Variants in SHISA6 observed in about 807,000 individuals in gnomAD.
The protein encoded by SHISA6 is shisa family member 6.
Under a neutral mutation model 47.9 loss-of-function variants are expected in SHISA6, and 22 were observed. The ratio of observed to expected loss-of-function variants is 0.46; its 90% CI spans 0.33 to 0.66. SHISA6 has a LOEUF of 0.66. SHISA6 is among the 30% of genes least tolerant of loss of function. The pLI, the probability that SHISA6 is intolerant of heterozygous loss-of-function variation, is 0.02. For missense variants in SHISA6, 680 were observed against 764.6 expected (o/e 0.89, Z 1.30); for synonymous variants, 388 against 337.8 (o/e 1.15, Z -1.63).
chr17:11,328,140 A>AT (rs1910972187), intron 2 of SHISA6, among the ~76,000 whole-genome samples: 1 of 152,198 alleles, frequency 6.6e-6, no homozygotes, highest in Non-Finnish European at 1.5e-5. Context: ...TACAAAAACT[A>AT]TGTCAAGGCA....
chr17:11,526,188 C>G (rs2071680215), intron 3 of SHISA6, among the ~76,000 whole-genome samples: 1 of 150,914 alleles, frequency 6.6e-6, no homozygotes, highest in South Asian at 2.1e-4. Context: ...GCCTATATTC[C>G]TTTTCTAAAG....
intron 2 of SHISA6, among the ~76,000 whole-genome samples, chr17:11,319,718 A>G (rs768222626): frequency 2.6e-5 from 4 of 152,228 alleles, no homozygotes; most frequent in Non-Finnish European, 5.9e-5. Flanking sequence ...CTTTGAGGAT[A>G]TAAACACTGT....
chr17:11,432,991 C>A (rs1054278617), intron 3 of SHISA6, among the ~76,000 whole-genome samples: 3 of 152,146 alleles, frequency 2.0e-5, no homozygotes, highest in Non-Finnish European at 4.4e-5. Flanking sequence ...AACAGTTGCA[C>A]AACTCTGTGA....
At chr17:11,247,776 T>C (rs915571955) in intron 1 of SHISA6, among the ~76,000 whole-genome samples, 4 of 128,176 alleles carry the variant, frequency 3.1e-5, no homozygotes, top group African/African-American at 6.2e-5. Flanking sequence ...GGCGTCTTTC[T>C]TTTTTTTTTT....
intron 3 of SHISA6, among the ~76,000 whole-genome samples, chr17:11,537,507 TGAGATTA>T (rs1489771329): frequency 1.3e-5 from 2 of 152,052 alleles, no homozygotes; most frequent in Non-Finnish European, 2.9e-5. Flanking sequence ...GGGTTGGATT[TGAGATTA>T]GGAAGGAGGG....
At chr17:11,366,066 A>G (rs1280318465) in intron 2 of SHISA6, among the ~76,000 whole-genome samples, 1 of 152,264 alleles carries the variant, frequency 6.6e-6, no homozygotes, top group Non-Finnish European at 1.5e-5. Context: ...CTATGGCTAT[A>G]GGGAGCCAAG....
intron 3 of SHISA6, among the ~76,000 whole-genome samples, chr17:11,398,683 C>G (rs1913660421): frequency 6.6e-6 from 1 of 152,062 alleles, no homozygotes; most frequent in African/African-American, 2.4e-5. Context: ...ACCTCCGTCT[C>G]CCGGGTTCAA....
In SHISA6 at chr17:11,426,227, G is replaced by T. The variant is rs143479418; in HGVS notation, c.895+46718G>T. Among the ~76,000 whole-genome samples the T allele has an allele frequency of 5.8e-3, 884 of 152,312 alleles. 10 individuals carry two copies. The highest frequency in any genetic ancestry group is 0.02 in the African/African-American group (828 of 41,562). Reference sequence around the variant, plus strand: ...AGAAGGTGAAAGGGAAATCCTAAAAGTGCCAAGCATTCTAAGCATAGAAAG... The same window carrying T: ...AGAAGGTGAAAGGGAAATCCTAAAATTGCCAAGCATTCTAAGCATAGAAAG... On this transcript the variant is annotated intron_variant, in intron 3 of 5. Transcript: ENST00000441885.
rs542726828 is a variant in SHISA6 at position 11,325,612 on chromosome 17, T to C, written c.800-53802T>C. On this transcript the variant is annotated intron_variant, in intron 2 of 5. Transcript: ENST00000441885. ...TTAAAAAAAAGACAGCATCAGGAAG[T>C]GAAATGGCAAGAAATCTTCCCCATG... is the stretch of plus-strand genomic sequence containing the variant. Among the ~76,000 whole-genome samples the C allele has an allele frequency of 2.0e-5, 3 of 151,434 alleles. No individual in the cohort carries two copies. The South Asian group carries it at 6.2e-4, about 31-fold the overall frequency.
At chr17:11,470,208 T>A (rs938657791) in intron 3 of SHISA6, among the ~76,000 whole-genome samples, 1 of 152,210 alleles carries the variant, frequency 6.6e-6, no homozygotes, top group Non-Finnish European at 1.5e-5. Context: ...TAGAAGACTG[T>A]AGCCGACTAG....
chr17:11,551,774 T>G, intron 3 of SHISA6, 122 bp from the exon 4 acceptor site: 1 of 832,120 alleles, frequency 1.2e-6, no homozygotes, highest in Non-Finnish European at 1.9e-6. Context: ...CCTCTGCCTT[T>G]CTTAGAAGTG....
At chr17:11,486,314 C>T (rs2142334521) in intron 3 of SHISA6, among the ~76,000 whole-genome samples, 1 of 152,336 alleles carries the variant, frequency 6.6e-6, no homozygotes, top group South Asian at 2.1e-4. Context: ...ACTGTCACAA[C>T]ACTTAACACA....
intron 2 of SHISA6, among the ~76,000 whole-genome samples, chr17:11,287,451 C>T (rs977423476): frequency 2.0e-5 from 3 of 151,190 alleles, no homozygotes; most frequent in African/African-American, 7.3e-5. Flanking sequence ...TTTGGGAGTG[C>T]GAGGCAGGAG....
intron 3 of SHISA6, among the ~76,000 whole-genome samples, chr17:11,522,434 GT>G (rs1184245822): frequency 3.3e-5 from 5 of 152,118 alleles, no homozygotes; most frequent in African/African-American, 1.2e-4. Context: ...TGGGTATTTG[GT>G]TTTTTAATTT....
At chr17:11,275,014 A>G (rs1908834407) in intron 2 of SHISA6, among the ~76,000 whole-genome samples, 1 of 152,240 alleles carries the variant, frequency 6.6e-6, no homozygotes, top group African/African-American at 2.4e-5. Flanking sequence ...AGAAGGGCAC[A>G]GTGATCAATT....
At position 11,241,518 on chromosome 17, in the gene SHISA6, C is replaced by T. The variant is rs772453386; in HGVS notation, c.96C>T (p.Asn32=). Residue 32 remains asparagine, a synonymous_variant, in exon 1 of 6, where the codon AAC becomes AAT. Coordinates refer to ENST00000441885, the MANE Select transcript of SHISA6 (RefSeq NM_207386.4). The surrounding 1 kb of genome is among the most constrained non-coding windows in gnomAD (Gnocchi z 5.5). ...ACGGAGCCCGCGGCCGCGCCGCCAA[C>T]CGGACCCTGAGTGCAGGCGGCGCTG... ...SVHGARGRAA[N]RTLSAGGAAV... is the part of the protein sequence containing the mutation. The T allele has an allele frequency of 1.8e-6, 2 of 1,138,980 alleles. No individual in the cohort carries two copies. Among genetic ancestry groups the T allele is most frequent in the South Asian group, 2.6e-5 (1 of 39,132 alleles). 70.6% of individuals were successfully genotyped at this position (1,138,980 alleles called of 1,614,324 possible).
chr17:11,520,938 G>C (rs1020232406), intron 3 of SHISA6, among the ~76,000 whole-genome samples: 1 of 152,104 alleles, frequency 6.6e-6, no homozygotes, highest in Non-Finnish European at 1.5e-5. Flanking sequence ...ATGAGTACAA[G>C]AACTCTGTCT....
intron 2 of SHISA6, among the ~76,000 whole-genome samples, chr17:11,345,655 G>A (rs1911680505): frequency 6.6e-6 from 1 of 152,008 alleles, no homozygotes; most frequent in African/African-American, 2.4e-5. Flanking sequence ...TTTCTGCAAT[G>A]TTTATAGTTT....
rs897984020 is a variant in SHISA6, at chr17:11,267,286, G to C, written c.799+3760G>C. On this transcript the variant is annotated intron_variant, in intron 2 of 5. Transcript: ENST00000441885. ...ACCCAAAGTGTGGTCCATGGACCAGGAGCAACTGCATTCCATTGGAACTTG... is the reference window on the plus strand; with the variant it reads ...ACCCAAAGTGTGGTCCATGGACCAGCAGCAACTGCATTCCATTGGAACTTG... Among the ~76,000 whole-genome samples, 8 of 152,162 alleles carry C rather than the reference G, an allele frequency of 5.3e-5. 1 individual carries two copies. The highest frequency in any genetic ancestry group is 5.2e-4 in the Admixed American group (8 of 15,280).
Sources: allele counts gnomAD v4.1 joint callset (sites outside exome capture counted in the v4.1 genomes callset), GRCh38; gene constraint gnomAD v4.1.1; non-coding constraint Gnocchi (gnomAD v3.1); transcripts MANE v1.5; gene names NCBI Gene and HGNC (gene_info 2026-07-23, HGNC 2026-07-21).